Variants in LIN28B observed in about 807,000 individuals in gnomAD.
LIN28B encodes lin-28 RNA binding posttranscriptional regulator B, also known as protein lin-28 homolog B.
A neutral mutation model predicts 21.9 loss-of-function variants in LIN28B; 5 were observed. The observed-to-expected ratio is 0.23, with a 90% confidence interval of 0.12 to 0.48. The LOEUF is 0.48. Ranked by LOEUF, LIN28B falls within the 20% of genes least tolerant of loss-of-function variation. The pLI is 0.98. For missense variants in LIN28B, 245 were observed against 310.5 expected (o/e 0.79, Z 1.58); for synonymous variants, 109 against 111.3 (o/e 0.98, Z 0.13).
chr6:104,939,824 T>G (rs534976431), intron 2 of LIN28B, among the ~76,000 whole-genome samples: 46 of 152,324 alleles, frequency 3.0e-4, no homozygotes, highest in African/African-American at 1.0e-3. Context: ...ATATTCGATT[T>G]TTTAGCTGGT....
At position 105,081,542 on chromosome 6, in the gene LIN28B, A is replaced by G. The variant is rs1772542190; in HGVS notation, c.*2759A>G. 6.6e-6 allele frequency: 1 copy of G among 152,540 alleles called. No individual in the cohort carries two copies. Among genetic ancestry groups the G allele is most frequent in the African/African-American group, 2.4e-5 (1 of 41,462 alleles). 9.4% of individuals were successfully genotyped at this position (152,540 alleles called of 1,614,324 possible). A position where few individuals can be genotyped will look rare whatever the true frequency, so the allele number is the denominator to read the frequency against. ...CCTTTTTATCTGTATTATAAATAGC[A>G]ATTCACAACTGCATGTTTCTGACAA... On this transcript the variant is annotated 3_prime_UTR_variant, in exon 4 of 4. Coordinates refer to ENST00000345080, the MANE Select transcript of LIN28B (RefSeq NM_001004317.4).
chr6:105,043,600 T>G (rs1771687591), intron 3 of LIN28B, among the ~76,000 whole-genome samples: 1 of 151,366 alleles, frequency 6.6e-6, no homozygotes. Flanking sequence ...TTTTTTTTTT[T>G]TAGAGACAGG....
chr6:105,050,650 GCCCCCACTCTCTTCTGGC>G (rs1771882825), intron 3 of LIN28B, among the ~76,000 whole-genome samples: 1 of 136,776 alleles, frequency 7.3e-6, no homozygotes, highest in Non-Finnish European at 1.6e-5. Flanking sequence ...TTGAACATTG[GCCCCCACTCTCTTCTGGC>G]TTGTAGAGTT....
intron 3 of LIN28B, among the ~76,000 whole-genome samples, chr6:105,075,522 A>G (rs766725555): frequency 6.6e-5 from 10 of 152,234 alleles, no homozygotes; most frequent in Non-Finnish European, 1.2e-4. Flanking sequence ...CTAAGCACAT[A>G]GACACTAAAT....
At chr6:104,966,619 AT>A (rs538140992) in intron 2 of LIN28B, among the ~76,000 whole-genome samples, 11,299 of 122,720 alleles carry the variant, frequency 0.092, 395 homozygotes, top group Middle Eastern at 0.12. Context: ...TGCCCGGCTG[AT>A]TTTTTTTTTT....
chr6:104,991,303 G>C (rs2114269194), intron 2 of LIN28B, among the ~76,000 whole-genome samples: 1 of 151,510 alleles, frequency 6.6e-6, no homozygotes, highest in East Asian at 2.0e-4. Context: ...GGACGGGGCG[G>C]CTGCCGCGCG....
chr6:104,986,803 C>T (rs565914261), intron 2 of LIN28B, among the ~76,000 whole-genome samples: 5 of 152,272 alleles, frequency 3.3e-5, no homozygotes, highest in Admixed American at 3.3e-4. Context: ...ACCAGTTTTA[C>T]CTTTAGGTTC....
At chr6:104,946,999 A>C (rs1369901310) in intron 2 of LIN28B, among the ~76,000 whole-genome samples, 1 of 152,188 alleles carries the variant, frequency 6.6e-6, no homozygotes, top group African/African-American at 2.4e-5. Context: ...TAAATTTTGC[A>C]TTTGTTAGTA....
chr6:105,005,244 C>G (rs1263986889), intron 2 of LIN28B, among the ~76,000 whole-genome samples: 2 of 151,956 alleles, frequency 1.3e-5, no homozygotes, highest in Non-Finnish European at 2.9e-5. Context: ...TGTTCTCTTC[C>G]AATAAGTTTT....
intron 2 of LIN28B, among the ~76,000 whole-genome samples, chr6:104,947,201 T>G (rs1778166352): frequency 6.6e-6 from 1 of 152,220 alleles, no homozygotes; most frequent in Non-Finnish European, 1.5e-5. Flanking sequence ...CTTGGCTCAC[T>G]GCAACCCTTG....
chr6:105,035,802 T>C (rs1771509866), intron 3 of LIN28B, among the ~76,000 whole-genome samples: 1 of 152,216 alleles, frequency 6.6e-6, no homozygotes. Flanking sequence ...CTTGTATGCA[T>C]TTGTATACTT....
intron 3 of LIN28B, among the ~76,000 whole-genome samples, chr6:105,076,864 A>C (rs1010541502): frequency 3.3e-5 from 5 of 151,804 alleles, no homozygotes; most frequent in African/African-American, 1.2e-4. Context: ...TCGGTCTCCC[A>C]AAGTGCTGGG....
At chr6:105,074,208 T>C (rs1582934238) in intron 3 of LIN28B, among the ~76,000 whole-genome samples, 2 of 152,180 alleles carry the variant, frequency 1.3e-5, no homozygotes, top group South Asian at 2.1e-4. Context: ...AAATCTTTTC[T>C]TTTTTTTGAG....
chr6:104,999,710 C>T (rs762208084), intron 2 of LIN28B, among the ~76,000 whole-genome samples: 22 of 151,728 alleles, frequency 1.4e-4, no homozygotes, highest in African/African-American at 3.6e-4. Context: ...AGACGGAGTT[C>T]GTTCTTGTCG....
At chr6:104,998,340 A>G (rs1159717203) in intron 2 of LIN28B, among the ~76,000 whole-genome samples, 3 of 152,178 alleles carry the variant, frequency 2.0e-5, no homozygotes, top group African/African-American at 4.8e-5. Flanking sequence ...TTTTATTATC[A>G]TTTTGTTTAG....
rs1005363006 is a variant in LIN28B, at chr6:105,079,362, G to A, written c.*579G>A. The A allele has an allele frequency of 2.6e-5, 4 of 152,532 alleles. No homozygotes were observed. The highest frequency in any genetic ancestry group is 1.5e-5 in the Non-Finnish European group (1 of 68,032). The allele number at this position is 152,532 out of a possible 1,614,324, so 9.4% of individuals were successfully genotyped here. A position where few individuals can be genotyped will look rare whatever the true frequency, so the allele number is the denominator to read the frequency against. On this transcript the variant is annotated 3_prime_UTR_variant, in exon 4 of 4. Coordinates refer to ENST00000345080, the MANE Select transcript of LIN28B (RefSeq NM_001004317.4). ...AGACATCCAGTTCTCCCGAATTTGGGATTGCCTCTTTTTCTTGAAATCTCT... is the reference window on the plus strand; with the variant it reads ...AGACATCCAGTTCTCCCGAATTTGGAATTGCCTCTTTTTCTTGAAATCTCT...
intron 2 of LIN28B, among the ~76,000 whole-genome samples, chr6:104,978,544 A>T (rs923511487): frequency 6.6e-6 from 1 of 152,036 alleles, no homozygotes; most frequent in African/African-American, 2.4e-5. Context: ...CAGTGTCTGA[A>T]AGGAGTATAA....
At chr6:104,991,358 TC>T (rs1210701653) in intron 2 of LIN28B, among the ~76,000 whole-genome samples, 312 of 139,704 alleles carry the variant, frequency 2.2e-3, no homozygotes, top group Middle Eastern at 4.6e-3. Context: ...GCAGAGACGC[TC>T]CTCACCTCCC....
chr6:105,010,587 ACT>A (rs1044001775), intron 2 of LIN28B, among the ~76,000 whole-genome samples: 4 of 152,232 alleles, frequency 2.6e-5, no homozygotes, highest in Admixed American at 6.5e-5. Context: ...ACTTTATATA[ACT>A]CTGCATCTAT....
Sources: gnomAD v4.1 joint callset for allele counts (sites outside exome capture counted in the v4.1 genomes callset) on GRCh38, gnomAD v4.1.1 for gene constraint, MANE v1.5 for transcripts, NCBI Gene and HGNC (gene_info 2026-07-23, HGNC 2026-07-21) for gene names.